The following LRRC38 variants were observed in gnomAD, a reference collection of about 807,000 sequenced individuals.
The protein encoded by LRRC38 is leucine rich repeat containing 38.
In LRRC38, 5 loss-of-function variants were observed where a neutral mutation model predicts 16.4. That is an observed-to-expected ratio of 0.31 (90% confidence interval 0.16 to 0.64). The LOEUF (loss-of-function observed/expected upper bound fraction) is 0.64. LRRC38 is among the 30% of genes least tolerant of loss of function. The pLI is 0.80. For missense variants in LRRC38, 341 were observed against 401.8 expected (o/e 0.85, Z 1.29); for synonymous variants, 191 against 190.2 (o/e 1.00, Z -0.04).
At chr1:13,495,266 C>T (rs907969258) in intron 1 of LRRC38, among the ~76,000 whole-genome samples, 1 of 152,170 alleles carries the variant, frequency 6.6e-6, no homozygotes, top group Non-Finnish European at 1.5e-5. Flanking sequence ...TGTAGAAGGT[C>T]AGTGTTCTGG....
intron 1 of LRRC38, among the ~76,000 whole-genome samples, chr1:13,481,766 TCTCTCCCTCTCTCCCTCTCTCCC>T (rs1638868879): frequency 0.017 from 679 of 38,926 alleles, 12 homozygotes; most frequent in African/African-American, 0.11. Flanking sequence ...TCTTTCCCTC[TCTCTCCCTCTCTCCCTCTCTCCC>T]TCTCTCTCTC....
intron 1 of LRRC38, among the ~76,000 whole-genome samples, chr1:13,498,503 T>C (rs1158150975): frequency 3.3e-5 from 5 of 151,940 alleles, no homozygotes; most frequent in Non-Finnish European, 7.4e-5. Context: ...TGGTGGTGCA[T>C]GCCTGTAGTC....
chr1:13,511,882 T>C (rs1557506993), intron 1 of LRRC38, among the ~76,000 whole-genome samples: 1 of 152,092 alleles, frequency 6.6e-6, no homozygotes, highest in Non-Finnish European at 1.5e-5. Context: ...TGATGACAGT[T>C]GGGAATGAAG....
At chr1:13,486,551 C>A (rs1387840638) in intron 1 of LRRC38, among the ~76,000 whole-genome samples, 1 of 151,258 alleles carries the variant, frequency 6.6e-6, no homozygotes, top group Non-Finnish European at 1.5e-5. Context: ...CCTTTTGGAG[C>A]AATCATCTCT....
chr1:13,496,700 T>C (rs750276146), intron 1 of LRRC38, among the ~76,000 whole-genome samples: 1 of 152,034 alleles, frequency 6.6e-6, no homozygotes, highest in Non-Finnish European at 1.5e-5. Flanking sequence ...CCTAGCACTG[T>C]GGCTAAAACA....
At chr1:13,497,703 C>T (rs10927768) in intron 1 of LRRC38, among the ~76,000 whole-genome samples, 29,796 of 151,890 alleles carry the variant, frequency 0.2, 4,238 homozygotes, top group African/African-American at 0.41. Context: ...GGGCCAAGCA[C>T]GGTGGCTCAT....
chr1:13,477,906 C>T (rs1638807816), intron 1 of LRRC38, among the ~76,000 whole-genome samples: 1 of 152,166 alleles, frequency 6.6e-6, no homozygotes, highest in South Asian at 2.1e-4. Flanking sequence ...GAGAATTTAG[C>T]ATCAGCTTAG....
chr1:13,502,205 G>A (rs973098630), intron 1 of LRRC38, among the ~76,000 whole-genome samples: 1 of 151,108 alleles, frequency 6.6e-6, no homozygotes, highest in Non-Finnish European at 1.5e-5. Context: ...CCTCCCAAAG[G>A]GCTGGGATTA....
chr1:13,496,718 G>C (rs1639084624), intron 1 of LRRC38, among the ~76,000 whole-genome samples: 2 of 152,094 alleles, frequency 1.3e-5, no homozygotes, highest in South Asian at 4.2e-4. Context: ...ACACTGAACA[G>C]AACAGACGAG....
At chr1:13,493,749 G>A (rs1639046728) in intron 1 of LRRC38, among the ~76,000 whole-genome samples, 1 of 152,162 alleles carries the variant, frequency 6.6e-6, no homozygotes, top group African/African-American at 2.4e-5. Context: ...AAAGGACACA[G>A]ATGTCGTGAT....
rs184366482 is a variant in LRRC38 at position 13,482,449 on chromosome 1, G to A, written c.632-6350C>T. ...AAAAAAACTAACCAGGTGTGGTGGC[G>A]CACGCCTCTACTCCCAGCTACTTGG... On this transcript the variant is annotated intron_variant, in intron 1 of 1. Coordinates refer to ENST00000376085, the MANE Select transcript of LRRC38 (RefSeq NM_001010847.2). Among the ~76,000 whole-genome samples, 117 of 152,018 alleles carry A rather than the reference G, an allele frequency of 7.7e-4. 1 individual carries two copies. The highest frequency in any genetic ancestry group is 2.7e-3 in the African/African-American group (110 of 41,420).
At chr1:13,477,403 A>G (rs1223280867) in intron 1 of LRRC38, among the ~76,000 whole-genome samples, 2 of 152,212 alleles carry the variant, frequency 1.3e-5, no homozygotes, top group Admixed American at 1.3e-4. Context: ...GTTTAGGATG[A>G]AACGTCAGGG....
chr1:13,476,150 T>G, intron 1 of LRRC38, 51 bp from the exon 2 acceptor site: 1 of 1,530,524 alleles, frequency 6.5e-7, no homozygotes, highest in Non-Finnish European at 8.8e-7. Flanking sequence ...AGCTCAAGGT[T>G]GCCTAAAAGT....
Position 13,487,123 on chromosome 1 carries a change from C to T in LRRC38, c.632-11024G>A, listed in dbSNP as rs146586070. Among the ~76,000 whole-genome samples, 40 of 152,360 alleles carry T rather than the reference C, an allele frequency of 2.6e-4. No individual in the cohort carries two copies. Among genetic ancestry groups the T allele is most frequent in the African/African-American group, 8.7e-4 (36 of 41,576 alleles). On this transcript the variant is annotated intron_variant, in intron 1 of 1. Coordinates refer to ENST00000376085, the MANE Select transcript of LRRC38 (RefSeq NM_001010847.2). The surrounding 1 kb of genome is among the most constrained non-coding windows in gnomAD (Gnocchi z 4.4). ...CTTCTGAGCCTGCTTCTCCAGGCTT[C>T]TCTTCAATTCTGTGAACTATCTGAC...
chr1:13,506,915 G>A (rs565633070), intron 1 of LRRC38, among the ~76,000 whole-genome samples: 98 of 152,334 alleles, frequency 6.4e-4, no homozygotes, highest in Admixed American at 2.4e-3. Flanking sequence ...TAACTGAGCC[G>A]GCTGGAACTT....
rs943186744 is a variant in LRRC38, at chr1:13,513,231, G to C, written c.363C>G (p.Ala121=). The C allele has an allele frequency of 1.8e-5, 28 of 1,550,304 alleles. No individual in the cohort carries two copies. The highest frequency in any genetic ancestry group is 1.7e-4 in the Middle Eastern group (1 of 6,014). Residue 121 remains alanine, a synonymous_variant, in exon 1 of 2, where the codon GCC becomes GCG. Transcript: ENST00000376085. ...LSYNNLTQLG[A]GAFRSAGRLV... is the part of the protein sequence containing the mutation. ...GCCTCCCGGCCGAGCGGAAGGCGCC[G>C]GCGCCCAGCTGGGTCAAGTTGTTGT...
In LRRC38 at chr1:13,475,416, T is replaced by C. The variant is rs1331777213; in HGVS notation, c.*430A>G. 1 of 169,638 alleles carries C rather than the reference T, an allele frequency of 5.9e-6. No individual in the cohort carries two copies. The highest frequency in any genetic ancestry group is 1.3e-5 in the Non-Finnish European group (1 of 77,446). The allele number at this position is 169,638 out of a possible 1,614,324, so 10.5% of individuals were successfully genotyped here. ...TGATCCGAATTTGAATCTCCACTGT[T>C]TGAGCTGCTGTTTCTTGGGAGGAAG... On this transcript the variant is annotated 3_prime_UTR_variant, in exon 2 of 2. Coordinates refer to ENST00000376085, the MANE Select transcript of LRRC38 (RefSeq NM_001010847.2). The surrounding 1 kb of genome is among the most constrained non-coding windows in gnomAD (Gnocchi z 4.3).
intron 1 of LRRC38, among the ~76,000 whole-genome samples, chr1:13,481,383 T>C (rs966704963): frequency 1.6e-5 from 2 of 127,816 alleles, no homozygotes; most frequent in Admixed American, 8.5e-5. Context: ...TATGTTTTTT[T>C]TATTTTTTTT....
chr1:13,496,596 T>C (rs1639083118), intron 1 of LRRC38, among the ~76,000 whole-genome samples: 1 of 152,000 alleles, frequency 6.6e-6, no homozygotes. Flanking sequence ...TCCTCTCCAT[T>C]TTTCCTCCCT....
Sources: gnomAD v4.1 joint callset for allele counts (sites outside exome capture counted in the v4.1 genomes callset) on GRCh38, gnomAD v4.1.1 for gene constraint, Gnocchi (gnomAD v3.1) non-coding constraint, MANE v1.5 for transcripts, NCBI Gene and HGNC (gene_info 2026-07-23, HGNC 2026-07-21) for gene names.